The following CFAP251 variants were observed in gnomAD, a reference collection of about 807,000 sequenced individuals.
CFAP251 encodes cilia and flagella associated protein 251, also known as cilia- and flagella-associated protein 251.
CFAP251 carries 93 observed loss-of-function variants against 126.7 expected under a neutral mutation model. That is an observed-to-expected ratio of 0.73 (90% CI 0.62 to 0.87). CFAP251 has a LOEUF of 0.87. CFAP251 is among the 40% of genes least tolerant of loss of function. The pLI is 0.00. For synonymous variants in CFAP251, 503 were observed against 506.9 expected (o/e 0.99, Z 0.10); for missense variants, 1,287 against 1,389.2 (o/e 0.93, Z 1.17).
At position 121,928,632 on chromosome 12, in the gene CFAP251, ATATACG is replaced by A. The variant is rs1277626629; in HGVS notation, c.748-3109_748-3104del. ...GATAATTTTATGTATATGTGTATAT[ATATACG>A]TATATATATATATATATACGTATAT... On this transcript the variant is annotated intron_variant, in intron 3 of 21. Coordinates refer to ENST00000288912, the MANE Select transcript of CFAP251 (RefSeq NM_144668.6). 2.4e-3 allele frequency among the ~76,000 whole-genome samples: 53 copies of A among 21,636 alleles called. 3 individuals are homozygous for A. Among genetic ancestry groups the A allele is most frequent in the East Asian group, 0.018 (11 of 610 alleles). The allele number at this position is 21,636 out of a possible 152,430, so 14.2% of individuals were successfully genotyped here.
At chr12:121,922,865 C>G (rs1298358629) in intron 2 of CFAP251, among the ~76,000 whole-genome samples, 1 of 152,160 alleles carries the variant, frequency 6.6e-6, no homozygotes, top group African/African-American at 2.4e-5. Context: ...TCTTGGCTCA[C>G]TGCAAGCTCC....
chr12:121,955,574 G>A (rs756397322), intron 10 of CFAP251: 4 of 152,340 alleles, frequency 2.6e-5, no homozygotes, highest in South Asian at 2.1e-4. Context: ...CAGTGTGTGA[G>A]AGAAGTTCCC....
chr12:121,978,742 T>G (rs1882544204), intron 19 of CFAP251, among the ~76,000 whole-genome samples: 2 of 152,106 alleles, frequency 1.3e-5, no homozygotes. Flanking sequence ...GCAACATGCT[T>G]TTAAAGGCTG....
At chr12:121,958,544 A>G (rs760963286) in intron 12 of CFAP251, 22 bp downstream of exon 12, 1 of 1,613,504 alleles carries the variant, frequency 6.2e-7, no homozygotes, top group Non-Finnish European at 8.5e-7. Context: ...TTATCAGCCT[A>G]CCATCGGTTC....
chr12:121,929,242 AC>A (rs1170514857), intron 3 of CFAP251, among the ~76,000 whole-genome samples: 1 of 149,868 alleles, frequency 6.7e-6, no homozygotes, highest in Non-Finnish European at 1.5e-5. Context: ...ACTCTCTTGA[AC>A]CCAGGAGGTG....
At position 121,960,702 on chromosome 12, in the gene CFAP251, G is replaced by A. The variant is rs764930594; in HGVS notation, c.2251G>A (p.Val751Ile). The change falls in exon 14 of 22, where the codon GTT (valine) becomes ATT (isoleucine). Residue 751 changes from valine to isoleucine, a missense_variant. Physicochemically the swap from Val to Ile is conservative, Grantham distance 29 (BLOSUM62 3). Coordinates refer to ENST00000288912, the MANE Select transcript of CFAP251 (RefSeq NM_144668.6). ...AAGCATTCGAAGTCTCCTGTTTGGG[G>A]TTTACCTGGACAGCAATGAGCCTAG... ...RKSIRSLLFG[V>I]YLDSNEPRLL... 1.9e-6 allele frequency: 3 copies of A among 1,613,876 alleles called. No homozygotes were observed. The highest frequency in any genetic ancestry group is 2.7e-5 in the African/African-American group (2 of 74,906).
chr12:122,003,801 G>C lies in CFAP251; in HGVS notation c.*37G>C. ...ATGTTTAAAGCACAAAGGACTTTGG[G>C]TGTGTGTGCATGCACATGTGTGTGT... On this transcript the variant is annotated 3_prime_UTR_variant, in exon 22 of 22. Coordinates refer to ENST00000288912, the MANE Select transcript of CFAP251 (RefSeq NM_144668.6). 2.6e-6 allele frequency: 4 copies of C among 1,533,078 alleles called. No homozygotes were observed. The highest frequency in any genetic ancestry group is 1.2e-5 in the South Asian group (1 of 82,658). 95.0% of individuals were successfully genotyped at this position (1,533,078 alleles called of 1,614,324 possible). A position where few individuals can be genotyped will look rare whatever the true frequency, so the allele number is the denominator to read the frequency against.
chr12:121,953,988 T>G, intron 9 of CFAP251, 132 bp from the exon 10 acceptor site: 1 of 896,154 alleles, frequency 1.1e-6, no homozygotes, highest in Non-Finnish European at 1.7e-6. Context: ...GGGAGACGGT[T>G]TTAGTGATTG....
intron 10 of CFAP251, among the ~76,000 whole-genome samples, chr12:121,954,660 A>G (rs1219942971): frequency 6.8e-6 from 1 of 146,746 alleles, no homozygotes; most frequent in East Asian, 1.9e-4. Context: ...AAAAAAAAAA[A>G]AAAAAAAACC....
Position 121,975,674 on chromosome 12 carries a change from T to C in CFAP251, c.2995T>C (p.Ser999Pro). The change falls in exon 19 of 22, where the codon TCT (serine) becomes CCT (proline). Residue 999 changes from serine (S) to proline (P), a missense_variant. Coordinates refer to ENST00000288912, the MANE Select transcript of CFAP251 (RefSeq NM_144668.6). ...CATGAGAGCAATTGGCTTTTACCCA[T>C]CTGAAGAGAAGGTAGGGAGAACGAA... ...FVMRAIGFYP[S>P]EEKIDDIFNE... 6.3e-7 allele frequency: 1 copy of C among 1,578,040 alleles called. No homozygotes were observed. The highest frequency in any genetic ancestry group is 8.6e-7 in the Non-Finnish European group (1 of 1,166,984).
Position 121,924,455 on chromosome 12 carries a change from A to G in CFAP251, c.747+465A>G, listed in dbSNP as rs569282077. On this transcript the variant is annotated intron_variant, in intron 3 of 21. Coordinates refer to ENST00000288912, the MANE Select transcript of CFAP251 (RefSeq NM_144668.6). ...TTTTTTTTTTTTTTTTTTTGGAGAC[A>G]CAGTTTCACTCTTTTTGCCCAGGCT... 1.0e-4 allele frequency among the ~76,000 whole-genome samples: 9 copies of G among 88,664 alleles called. No individual in the cohort carries two copies. The Admixed American group carries it at 1.2e-3, about 12-fold the overall frequency. The allele number at this position is 88,664 out of a possible 152,430, so 58.2% of individuals were successfully genotyped here.
rs994769047 is a variant in CFAP251 at position 121,965,161 on chromosome 12, G to A, written c.2493-1794G>A. On this transcript the variant is annotated intron_variant, in intron 15 of 21. Transcript: ENST00000288912. ...AAAAAGATTTGAAAGAACATGAAAAGGCAGTTCACAGGAAAAGGCCAATAA... is the reference window on the plus strand; with the variant it reads ...AAAAAGATTTGAAAGAACATGAAAAAGCAGTTCACAGGAAAAGGCCAATAA... Among the ~76,000 whole-genome samples, 7 of 152,266 alleles carry A rather than the reference G, an allele frequency of 4.6e-5. No homozygotes were observed. In the South Asian group the frequency reaches 1.4e-3, roughly 32 times the overall value.
intron 19 of CFAP251, chr12:121,992,537 A>G (rs1882899842): frequency 2.5e-5 from 24 of 947,512 alleles, no homozygotes; most frequent in Non-Finnish European, 2.9e-5. Flanking sequence ...CATATATTAC[A>G]TTGGTAATTT....
At chr12:121,951,676 A>G (rs1317435193) in intron 9 of CFAP251, 146 bp downstream of exon 9, 1 of 539,296 alleles carries the variant, frequency 1.9e-6, no homozygotes, top group East Asian at 2.8e-5. Context: ...TGGGTCCTGT[A>G]TACATATTGA....
chr12:121,925,397 G>A (rs1880370314), intron 3 of CFAP251, among the ~76,000 whole-genome samples: 3 of 152,276 alleles, frequency 2.0e-5, no homozygotes, highest in South Asian at 2.1e-4. Flanking sequence ...ATGTGGAAGC[G>A]ATTGAATGGA....
At chr12:121,988,849 C>T (rs1327955798) in intron 19 of CFAP251, among the ~76,000 whole-genome samples, 1 of 151,668 alleles carries the variant, frequency 6.6e-6, no homozygotes, top group Admixed American at 6.6e-5. Flanking sequence ...GATTCTCCCA[C>T]CTCAGCCTCC....
At chr12:121,968,281 G>A in intron 17 of CFAP251, 112 bp downstream of exon 17, 2 of 1,104,448 alleles carry the variant, frequency 1.8e-6, no homozygotes, top group Non-Finnish European at 2.5e-6. Flanking sequence ...GATGTCACAG[G>A]GCCTGGCCTT....
intron 19 of CFAP251, among the ~76,000 whole-genome samples, chr12:121,978,164 G>A (rs1453883998): frequency 7.3e-5 from 11 of 150,434 alleles, no homozygotes; most frequent in Admixed American, 4.0e-4. Context: ...AGGCCGAGGC[G>A]GGTGGATCAC....
intron 8 of CFAP251, chr12:121,949,890 G>C (rs1413179269): frequency 2.0e-5 from 3 of 152,172 alleles, no homozygotes; most frequent in Non-Finnish European, 4.4e-5. Context: ...GTGAGACTCT[G>C]TCTCAACAAA....
Sources: allele counts gnomAD v4.1 joint callset (sites outside exome capture counted in the v4.1 genomes callset), GRCh38; gene constraint gnomAD v4.1.1; transcripts MANE v1.5; gene names NCBI Gene and HGNC (gene_info 2026-07-23, HGNC 2026-07-21).